The following ROBO2 variants were observed in gnomAD, a reference collection of about 807,000 sequenced individuals.
ROBO2 encodes roundabout guidance receptor 2.
In ROBO2, 53 loss-of-function variants were observed where a neutral mutation model predicts 160.8. The observed-to-expected ratio is 0.33, with a 90% CI of 0.26 to 0.41. The LOEUF (loss-of-function observed/expected upper bound fraction) is 0.41. ROBO2 is among the 10% of genes least tolerant of loss of function. The probability of loss-of-function intolerance (pLI) is 1.00; values close to 1 mark genes in which losing one functional copy is unlikely to be tolerated. For missense variants in ROBO2, 1,577 were observed against 1,722.4 expected (o/e 0.92, Z 1.49); for synonymous variants, 664 against 611.7 (o/e 1.09, Z -1.26).
At chr3:76,081,353 G>A (rs1044439722) in intron 2 of ROBO2, among the ~76,000 whole-genome samples, 3 of 151,980 alleles carry the variant, frequency 2.0e-5, no homozygotes, top group African/African-American at 7.2e-5. Context: ...AACTGAAACT[G>A]TCTGAACTGA....
At chr3:77,366,949 C>A (rs1057020397) in intron 2 of ROBO2, among the ~76,000 whole-genome samples, 2 of 152,038 alleles carry the variant, frequency 1.3e-5, no homozygotes, top group African/African-American at 4.8e-5. Context: ...GGACCACCTC[C>A]ATTAGGCCCC....
intron 2 of ROBO2, among the ~76,000 whole-genome samples, chr3:77,139,325 T>A (rs2076523387): frequency 6.6e-6 from 1 of 152,136 alleles, no homozygotes; most frequent in Non-Finnish European, 1.5e-5. Flanking sequence ...AAAGGAAAAA[T>A]CTCCTTCCAT....
intron 9 of ROBO2, 39 bp downstream of exon 10, chr3:77,558,188 A>G (rs753282337): frequency 6.6e-7 from 1 of 1,523,838 alleles, no homozygotes; most frequent in South Asian, 1.1e-5. Context: ...TATCATCTAC[A>G]CATAAGTACT....
At chr3:76,553,776 G>T (rs544588643) in intron 2 of ROBO2, among the ~76,000 whole-genome samples, 1 of 152,168 alleles carries the variant, frequency 6.6e-6, no homozygotes, top group African/African-American at 2.4e-5. Flanking sequence ...GGTGGTTACA[G>T]TAAATCTCTC....
At chr3:76,029,863 T>A (rs2066861979) in intron 2 of ROBO2, among the ~76,000 whole-genome samples, 1 of 152,156 alleles carries the variant, frequency 6.6e-6, no homozygotes, top group South Asian at 2.1e-4. Flanking sequence ...TGATTTATAA[T>A]CCTTTGGGTA....
intron 2 of ROBO2, among the ~76,000 whole-genome samples, chr3:76,089,767 A>G (rs1220629034): frequency 6.6e-6 from 1 of 152,198 alleles, no homozygotes; most frequent in Non-Finnish European, 1.5e-5. Context: ...CATTAAGATC[A>G]GGAACAATGC....
At chr3:76,623,582 C>G (rs905576141) in intron 2 of ROBO2, among the ~76,000 whole-genome samples, 1 of 152,148 alleles carries the variant, frequency 6.6e-6, no homozygotes, top group Non-Finnish European at 1.5e-5. Context: ...TTTATCCAAC[C>G]TACACTCTAA....
At chr3:77,468,289 CT>C (rs1466645855) in intron 2 of ROBO2, among the ~76,000 whole-genome samples, 4 of 152,192 alleles carry the variant, frequency 2.6e-5, no homozygotes, top group Non-Finnish European at 5.9e-5. Context: ...GGCTCTTTAA[CT>C]GCAAACCAAA....
chr3:76,277,204 TATATG>T (rs940146913), intron 2 of ROBO2, among the ~76,000 whole-genome samples: 3 of 151,962 alleles, frequency 2.0e-5, no homozygotes, highest in African/African-American at 7.2e-5. Flanking sequence ...AATAGTAAAA[TATATG>T]ATATAACATC....
At chr3:76,710,923 T>C (rs2107600097) in intron 2 of ROBO2, among the ~76,000 whole-genome samples, 1 of 152,336 alleles carries the variant, frequency 6.6e-6, no homozygotes, top group East Asian at 1.9e-4. Context: ...CCTTCATTTA[T>C]CTGTCATTTA....
intron 2 of ROBO2, among the ~76,000 whole-genome samples, chr3:76,834,528 G>A (rs967147974): frequency 4.0e-5 from 6 of 151,714 alleles, no homozygotes; most frequent in African/African-American, 9.7e-5. Context: ...ACACACCACC[G>A]TGCCTGGCTA....
intron 2 of ROBO2, among the ~76,000 whole-genome samples, chr3:76,576,701 CTTTTTTTTTTT>C (rs56404865): frequency 1.6e-5 from 1 of 62,392 alleles, no homozygotes; most frequent in South Asian, 6.3e-4. Flanking sequence ...CATTTTCTTT[CTTTTTTTTTTT>C]TTTTTTTTTT....
intron 1 of ROBO2, among the ~76,000 whole-genome samples, chr3:77,083,575 G>C (rs1040009312): frequency 6.6e-6 from 1 of 152,118 alleles, no homozygotes; most frequent in Admixed American, 6.6e-5. Context: ...AGGCATTTAG[G>C]ATAATGATAG....
intron 2 of ROBO2, among the ~76,000 whole-genome samples, chr3:77,388,516 C>T (rs2074370352): frequency 6.6e-6 from 1 of 152,100 alleles, no homozygotes; most frequent in Admixed American, 6.6e-5. Context: ...TCTCTACTTT[C>T]TTCTTTTTTA....
chr3:76,217,000 A>G (rs2107366914), intron 2 of ROBO2, among the ~76,000 whole-genome samples: 1 of 152,348 alleles, frequency 6.6e-6, no homozygotes, highest in East Asian at 1.9e-4. Context: ...CTCAGGATTA[A>G]GAAACTCACT....
chr3:76,804,604 T>A (rs186768235), intron 2 of ROBO2, among the ~76,000 whole-genome samples: 15 of 152,322 alleles, frequency 9.8e-5, no homozygotes, highest in Admixed American at 4.6e-4. Flanking sequence ...AGACAGTCCC[T>A]AAATTTGAAT....
intron 2 of ROBO2, among the ~76,000 whole-genome samples, chr3:76,003,787 G>A (rs955448338): frequency 3.3e-5 from 5 of 152,188 alleles, no homozygotes; most frequent in Non-Finnish European, 5.9e-5. Context: ...ATCCCTCACG[G>A]AGAACGTGGA....
At chr3:76,442,760 C>T (rs948614943) in intron 2 of ROBO2, among the ~76,000 whole-genome samples, 16 of 152,188 alleles carry the variant, frequency 1.1e-4, no homozygotes, top group African/African-American at 3.6e-4. Flanking sequence ...TATGTACTAC[C>T]CACTCATTCT....
At chr3:77,619,673 A>T (rs2153704347) in intron 22 of ROBO2, among the ~76,000 whole-genome samples, 1 of 152,226 alleles carries the variant, frequency 6.6e-6, no homozygotes, top group South Asian at 2.1e-4. Flanking sequence ...CAGCCCCTCC[A>T]GAGGCTGAGG....
Sources: allele counts gnomAD v4.1 joint callset (sites outside exome capture counted in the v4.1 genomes callset), GRCh38; gene constraint gnomAD v4.1.1; transcripts MANE v1.5; gene names NCBI Gene and HGNC (gene_info 2026-07-23, HGNC 2026-07-21).